Variants in GAS7 observed in about 807,000 individuals in gnomAD.
GAS7 encodes the protein growth arrest-specific protein 7.
In GAS7, 28 loss-of-function variants were observed where a neutral mutation model predicts 71.1. The ratio of observed to expected loss-of-function variants is 0.39; its 90% CI spans 0.29 to 0.54. The LOEUF (loss-of-function observed/expected upper bound fraction) is 0.54. Among genes scored for constraint, GAS7 ranks in the 20% least tolerant of loss-of-function variants. The pLI, the probability that GAS7 is intolerant of heterozygous loss-of-function variation, is 0.62. For missense variants in GAS7, 436 were observed against 627.8 expected (o/e 0.69, Z 3.27); for synonymous variants, 258 against 245.8 (o/e 1.05, Z -0.46).
chr17:9,917,952 C>T (rs780963567), intron 13 of GAS7, 49 bp downstream of exon 13: 2 of 1,353,954 alleles, frequency 1.5e-6, no homozygotes, highest in Admixed American at 1.7e-5. Context: ...CCAGGCGGCT[C>T]TCCCCAGGCC....
intron 3 of GAS7, among the ~76,000 whole-genome samples, chr17:9,978,693 T>TAC (rs2070298367): frequency 6.6e-6 from 1 of 151,948 alleles, no homozygotes; most frequent in South Asian, 2.1e-4. Context: ...AACTAGTATA[T>TAC]ACTATTGATT....
At chr17:10,004,751 C>T (rs546191052) in intron 2 of GAS7, among the ~76,000 whole-genome samples, 5 of 152,290 alleles carry the variant, frequency 3.3e-5, no homozygotes, top group South Asian at 2.1e-4. Flanking sequence ...GTGGCTCGTG[C>T]CTCTAATCCC....
At chr17:10,117,781 T>A (rs2073873317) in intron 1 of GAS7, among the ~76,000 whole-genome samples, 2 of 152,138 alleles carry the variant, frequency 1.3e-5, no homozygotes, top group Non-Finnish European at 2.9e-5. Context: ...AGCATTGTGG[T>A]GGCAGCTGTG....
intron 1 of GAS7, among the ~76,000 whole-genome samples, chr17:10,138,609 C>CA (rs1394038784): frequency 6.6e-5 from 10 of 151,284 alleles, no homozygotes; most frequent in South Asian, 2.1e-4. Context: ...CTAAAAAGTA[C>CA]AAAAAAAATT....
At chr17:10,099,279 G>A (rs75024323) in intron 1 of GAS7, among the ~76,000 whole-genome samples, 3,329 of 152,122 alleles carry the variant, frequency 0.022, 129 homozygotes, top group African/African-American at 0.076. Flanking sequence ...CTAAGCTTAG[G>A]GTGCATTCCT....
rs1318055721 is a variant in GAS7, at chr17:10,101,209, A to G, written c.184-81312T>C. Among the ~76,000 whole-genome samples, 5 of 152,246 alleles carry G rather than the reference A, an allele frequency of 3.3e-5. No homozygotes were observed. The South Asian group carries it at 8.3e-4, about 25-fold the overall frequency. On this transcript the variant is annotated intron_variant, in intron 1 of 13. Coordinates refer to ENST00000432992, the MANE Select transcript of GAS7 (RefSeq NM_201433.2). ...CGAGCCTTACCCAGGGTCTCTCCCA[A>G]GGCTACAATCAAGATGTCAGCCAGG...
intron 2 of GAS7, among the ~76,000 whole-genome samples, chr17:9,998,865 G>A (rs1257628247): frequency 6.6e-6 from 1 of 152,002 alleles, no homozygotes; most frequent in African/African-American, 2.4e-5. Flanking sequence ...TAGTATGAGC[G>A]GGTTTCTAGT....
intron 5 of GAS7, among the ~76,000 whole-genome samples, chr17:9,957,507 T>C (rs2069293080): frequency 6.6e-6 from 1 of 152,232 alleles, no homozygotes; most frequent in African/African-American, 2.4e-5. Flanking sequence ...CTCCACGACA[T>C]AACACTCTGC....
At chr17:10,154,476 C>A (rs1434606090) in intron 1 of GAS7, among the ~76,000 whole-genome samples, 2 of 151,554 alleles carry the variant, frequency 1.3e-5, no homozygotes, top group African/African-American at 2.4e-5. Flanking sequence ...TGCACTCCAG[C>A]TTAGATGACA....
chr17:10,021,858 G>A (rs563003471), intron 1 of GAS7, among the ~76,000 whole-genome samples: 16 of 152,296 alleles, frequency 1.1e-4, no homozygotes, highest in East Asian at 7.7e-4. Flanking sequence ...GTGCATGCGC[G>A]CGTGCATGTT....
intron 1 of GAS7, among the ~76,000 whole-genome samples, chr17:10,099,608 G>C (rs2073679283): frequency 6.6e-6 from 1 of 152,072 alleles, no homozygotes; most frequent in Admixed American, 6.6e-5. Context: ...CCACACAATA[G>C]GAAAGAGACC....
intron 8 of GAS7, among the ~76,000 whole-genome samples, chr17:9,937,459 T>C (rs2068441644): frequency 6.6e-6 from 1 of 152,226 alleles, no homozygotes; most frequent in Non-Finnish European, 1.5e-5. Context: ...GCTGCTCCTC[T>C]ATGTGCCCCC....
chr17:10,085,608 C>T lies in GAS7; in HGVS notation c.184-65711G>A, dbSNP rs74684987. Reference sequence around the variant, plus strand: ...TCAGGAGGCTGAGGCAGAAGGATGGCATGAACCCGGGAGGCAGAGCTTACA... The same window carrying T: ...TCAGGAGGCTGAGGCAGAAGGATGGTATGAACCCGGGAGGCAGAGCTTACA... On this transcript the variant is annotated intron_variant, in intron 1 of 13. Transcript: ENST00000432992. Among the ~76,000 whole-genome samples, 371 of 147,044 alleles carry T rather than the reference C, an allele frequency of 2.5e-3. 3 individuals are homozygous for T. Among genetic ancestry groups the T allele is most frequent in the African/African-American group, 8.4e-3 (334 of 39,896 alleles).
intron 1 of GAS7, among the ~76,000 whole-genome samples, chr17:10,170,518 G>C (rs191163074): frequency 6.6e-6 from 1 of 152,118 alleles, no homozygotes; most frequent in Non-Finnish European, 1.5e-5. Context: ...TTACTCCATC[G>C]TATCTTCCAG....
intron 2 of GAS7, among the ~76,000 whole-genome samples, chr17:9,995,836 T>TG (rs1347426420): frequency 6.6e-6 from 1 of 152,178 alleles, no homozygotes; most frequent in Non-Finnish European, 1.5e-5. Flanking sequence ...AAAAGACTCT[T>TG]GGGAAGTGAC....
intron 1 of GAS7, among the ~76,000 whole-genome samples, chr17:10,126,457 CGCACTCAT>C (rs1010253623): frequency 2.0e-5 from 3 of 151,502 alleles, no homozygotes; most frequent in Non-Finnish European, 4.4e-5. Flanking sequence ...CGCGCGCACA[CGCACTCAT>C]GCACACACGC....
chr17:10,179,264 T>C (rs908603129), intron 1 of GAS7, among the ~76,000 whole-genome samples: 1 of 151,636 alleles, frequency 6.6e-6, no homozygotes, highest in African/African-American at 2.4e-5. Flanking sequence ...GGGAGGCGGA[T>C]GTTGCAGTGA....
rs35318670 is a variant in GAS7 at position 10,019,779 on chromosome 17, T to C, written c.302A>G (p.Asn101Ser). 32 of 1,613,430 alleles carry C rather than the reference T, an allele frequency of 2.0e-5. No individual in the cohort carries two copies. Among genetic ancestry groups the C allele is most frequent in the Admixed American group, 8.3e-5 (5 of 59,970 alleles). Residue 101 changes from asparagine to serine, a missense_variant and splice_region_variant, in exon 2 of 14, where the codon AAT becomes AGT. Coordinates refer to ENST00000432992, the MANE Select transcript of GAS7 (RefSeq NM_201433.2). The stretch of plus-strand genomic sequence containing the variant: ...ATTCTCCCCCGAGCGGGACTCACCA[T>C]TGGTGGTCGTGTTGACATAGTACCG... ...GRRYYVNTTT[N>S]ETTWERPSSS...
intron 2 of GAS7, among the ~76,000 whole-genome samples, chr17:10,014,278 T>C (rs2152195723): frequency 6.6e-6 from 1 of 152,280 alleles, no homozygotes; most frequent in Admixed American, 6.5e-5. Flanking sequence ...TACCTCCTCC[T>C]CTCCAGCCAC....
Sources: allele counts gnomAD v4.1 joint callset (sites outside exome capture counted in the v4.1 genomes callset), GRCh38; gene constraint gnomAD v4.1.1; transcripts MANE v1.5; gene names NCBI Gene and HGNC (gene_info 2026-07-23, HGNC 2026-07-21).